Variants in DEPDC1B observed in about 807,000 individuals in gnomAD.
The protein encoded by DEPDC1B is DEP domain-containing protein 1B.
Under a neutral mutation model 66.5 loss-of-function variants are expected in DEPDC1B, and 51 were observed. The ratio of observed to expected loss-of-function variants is 0.77; its 90% CI spans 0.61 to 0.97. The LOEUF is 0.97. DEPDC1B is among the 50% of genes least tolerant of loss of function. The pLI is 0.00. For missense variants in DEPDC1B, 552 were observed against 637.1 expected (o/e 0.87, Z 1.44); for synonymous variants, 226 against 223.6 (o/e 1.01, Z -0.10).
chr5:60,697,520 T>C (rs1362568800), intron 1 of DEPDC1B, among the ~76,000 whole-genome samples: 3 of 152,182 alleles, frequency 2.0e-5, no homozygotes, highest in Non-Finnish European at 2.9e-5. Flanking sequence ...CTATTAAATA[T>C]ATGATTTACC....
intron 7 of DEPDC1B, among the ~76,000 whole-genome samples, chr5:60,627,289 CAAG>C (rs1752826484): frequency 6.6e-6 from 1 of 152,062 alleles, no homozygotes. Flanking sequence ...TTTAAATACA[CAAG>C]AAGACCTACA....
intron 7 of DEPDC1B, among the ~76,000 whole-genome samples, chr5:60,606,924 C>T (rs757261699): frequency 4.8e-4 from 73 of 152,038 alleles, no homozygotes; most frequent in Non-Finnish European, 8.7e-4. Context: ...TTCAAGTTAC[C>T]ACTAGTCTTT....
chr5:60,694,885 T>A (rs1319628151), intron 1 of DEPDC1B, among the ~76,000 whole-genome samples: 1 of 152,222 alleles, frequency 6.6e-6, no homozygotes, highest in African/African-American at 2.4e-5. Flanking sequence ...TTACAAATGT[T>A]TTATCTTAGC....
chr5:60,687,492 T>C (rs1430984282), intron 1 of DEPDC1B, among the ~76,000 whole-genome samples: 1 of 152,072 alleles, frequency 6.6e-6, no homozygotes, highest in East Asian at 1.9e-4. Context: ...AATAGTTTTA[T>C]ATTATATATA....
intron 2 of DEPDC1B, among the ~76,000 whole-genome samples, chr5:60,656,169 T>A (rs1261699196): frequency 6.6e-6 from 1 of 151,214 alleles, no homozygotes; most frequent in African/African-American, 2.4e-5. Context: ...ATTTTTTTTT[T>A]TTTTTTTTTG....
chr5:60,680,630 G>A (rs778909910), intron 2 of DEPDC1B, among the ~76,000 whole-genome samples: 1 of 151,978 alleles, frequency 6.6e-6, no homozygotes, highest in Non-Finnish European at 1.5e-5. Context: ...AATAGATAAA[G>A]GAAACCACCT....
intron 7 of DEPDC1B, among the ~76,000 whole-genome samples, chr5:60,623,033 T>A (rs1423808499): frequency 6.6e-6 from 1 of 152,190 alleles, no homozygotes; most frequent in African/African-American, 2.4e-5. Context: ...TATGGTTATG[T>A]TTTCTAGGAA....
intron 7 of DEPDC1B, among the ~76,000 whole-genome samples, chr5:60,637,661 C>A (rs1014626738): frequency 5.9e-5 from 9 of 152,184 alleles, no homozygotes; most frequent in African/African-American, 2.2e-4. Context: ...GCCCCCAATT[C>A]TCCTCAGTTG....
At chr5:60,662,805 C>G (rs536444635) in intron 2 of DEPDC1B, among the ~76,000 whole-genome samples, 1 of 152,230 alleles carries the variant, frequency 6.6e-6, no homozygotes, top group South Asian at 2.1e-4. Flanking sequence ...AGGACAAGTG[C>G]CAGCCCATGC....
chr5:60,661,658 T>C (rs555697976), intron 2 of DEPDC1B, among the ~76,000 whole-genome samples: 23 of 152,332 alleles, frequency 1.5e-4, no homozygotes, highest in African/African-American at 5.5e-4. Context: ...TGGAGAGATA[T>C]AATGTTACTG....
intron 6 of DEPDC1B, 62 bp from the exon 7 acceptor site, chr5:60,638,952 CT>C: frequency 6.4e-7 from 1 of 1,566,256 alleles, no homozygotes; most frequent in South Asian, 1.2e-5. Flanking sequence ...AAGTATTATT[CT>C]CTGTGAATAT....
At chr5:60,628,669 T>C (rs965848723) in intron 7 of DEPDC1B, 2 of 152,158 alleles carry the variant, frequency 1.3e-5, no homozygotes, top group African/African-American at 2.4e-5. Context: ...ACAGGCACCA[T>C]TGGAAATTGT....
chr5:60,603,540 A>G lies in DEPDC1B; in HGVS notation c.1093T>C (p.Leu365=). ...LMVQTFSRCI[L]CSKDEVDLDE... ...AAGTCCACTTCATCCTTGGAACACA[A>G]GATGCAACGGGAAAATGTCTGAACC... The change falls in exon 9 of 11, where the codon TTG becomes CTG. Residue 365 remains leucine, a synonymous_variant. Transcript: ENST00000265036. 4 of 1,606,104 alleles carry G rather than the reference A, an allele frequency of 2.5e-6. No individual in the cohort carries two copies. Among genetic ancestry groups the G allele is most frequent in the Non-Finnish European group, 3.4e-6 (4 of 1,177,736 alleles).
intron 2 of DEPDC1B, among the ~76,000 whole-genome samples, chr5:60,664,137 A>C (rs571313823): frequency 6.6e-6 from 1 of 152,206 alleles, no homozygotes; most frequent in African/African-American, 2.4e-5. Context: ...CCTATGCCCC[A>C]GTGTTAAGCT....
intron 2 of DEPDC1B, among the ~76,000 whole-genome samples, chr5:60,676,638 C>T (rs989755401): frequency 4.6e-5 from 7 of 152,144 alleles, no homozygotes; most frequent in African/African-American, 1.7e-4. Context: ...GACTGACAGC[C>T]TTGATCTTGC....
intron 7 of DEPDC1B, among the ~76,000 whole-genome samples, chr5:60,613,781 T>C (rs1445349935): frequency 7.0e-6 from 1 of 142,432 alleles, no homozygotes; most frequent in African/African-American, 2.7e-5. Context: ...GGTTGTTACA[T>C]ATGTATTTGT....
At chr5:60,620,942 C>T (rs375369653) in intron 7 of DEPDC1B, among the ~76,000 whole-genome samples, 3 of 152,068 alleles carry the variant, frequency 2.0e-5, no homozygotes, top group South Asian at 2.1e-4. Flanking sequence ...CTATACACCA[C>T]GGAATACTAT....
At chr5:60,657,155 C>T (rs529158989) in intron 2 of DEPDC1B, among the ~76,000 whole-genome samples, 4 of 152,280 alleles carry the variant, frequency 2.6e-5, no homozygotes, top group African/African-American at 9.6e-5. Flanking sequence ...TCTTTTTCTA[C>T]CCCGTTACCT....
At position 60,597,711 on chromosome 5, in the gene DEPDC1B, C is replaced by T; in HGVS notation, c.*42G>A. 1.3e-6 allele frequency: 2 copies of T among 1,580,142 alleles called. No homozygotes were observed. The highest frequency in any genetic ancestry group is 1.7e-6 in the Non-Finnish European group (2 of 1,169,382). On this transcript the variant is annotated 3_prime_UTR_variant, in exon 11 of 11. Transcript: ENST00000265036. ...TCTCCTAACCACCATTCACTCAAAA[C>T]AACAACAGTGGTCTCTAGCACCTGT...
Sources: allele counts gnomAD v4.1 joint callset (sites outside exome capture counted in the v4.1 genomes callset), GRCh38; gene constraint gnomAD v4.1.1; transcripts MANE v1.5; gene names NCBI Gene and HGNC (gene_info 2026-07-23, HGNC 2026-07-21).